TEKTIP1: variants seen among roughly 807,000 people sequenced by gnomAD.
The protein encoded by TEKTIP1 is tektin bundle-interacting protein 1.
the TEKTIP1 span, chr19:3,544,017 G>A: frequency 6.5e-7 from 1 of 1,530,590 alleles, no homozygotes; most frequent in Non-Finnish European, 8.8e-7. Flanking sequence ...ATAAAGGCAT[G>A]CTACCAGGAT....
At chr19:3,543,792 A>T in the TEKTIP1 span, 3 of 1,496,118 alleles carry the variant, frequency 2.0e-6, no homozygotes, top group East Asian at 7.5e-5. Flanking sequence ...AACGGCGAGG[A>T]GGTGGGGGCA....
chr19:3,539,397 C>T, the TEKTIP1 span: 2 of 615,406 alleles, frequency 3.2e-6, no homozygotes. Flanking sequence ...TGTGACGTCC[C>T]CTCCAGCTCT....
the TEKTIP1 span, chr19:3,543,680 GGTGAGGCTAGGTGCAGGGTGGGTCCTT>G: frequency 6.5e-7 from 1 of 1,532,170 alleles, no homozygotes; most frequent in African/African-American, 1.4e-5. Context: ...CAAGGAATAC[GGTGAGGCTAGGTGCAGGGTGGGTCCTT>G]GGGAGGCCAG....
At chr19:3,543,633 G>T in the TEKTIP1 span, 5 of 1,544,142 alleles carry the variant, frequency 3.2e-6, no homozygotes, top group Admixed American at 2.0e-5. Flanking sequence ...AGCACCCGGT[G>T]GGGGAGCGCG....
At chr19:3,540,045 A>T in the TEKTIP1 span, 1 of 148,976 alleles carries the variant, frequency 6.7e-6, no homozygotes, top group Non-Finnish European at 1.5e-5. Flanking sequence ...TGAGCCCAGG[A>T]GTTCAAGACC....
chr19:3,543,058 A>C, the TEKTIP1 span: 4 of 1,600,720 alleles, frequency 2.5e-6, no homozygotes, highest in East Asian at 6.7e-5. Context: ...CTCTCTCCTC[A>C]AGCACCCACT....
At chr19:3,542,405 G>C in the TEKTIP1 span, 2 of 985,430 alleles carry the variant, frequency 2.0e-6, no homozygotes, top group Non-Finnish European at 2.4e-6. Context: ...CAGCAACCTT[G>C]TTTTCTGGGA....
the TEKTIP1 span, chr19:3,542,939 C>T: frequency 1.3e-6 from 2 of 1,483,214 alleles, no homozygotes; most frequent in African/African-American, 1.4e-5. Flanking sequence ...TAGCCAGGGC[C>T]CTTGTCCTCT....
the TEKTIP1 span, chr19:3,542,162 A>G: frequency 1.0e-6 from 1 of 985,260 alleles, no homozygotes; most frequent in Non-Finnish European, 1.2e-6. Flanking sequence ...CTTGCAATTC[A>G]TTTCAAAAGG....
the TEKTIP1 span, chr19:3,543,001 T>G: frequency 6.3e-7 from 1 of 1,597,322 alleles, no homozygotes; most frequent in South Asian, 1.1e-5. Context: ...GGTTTAGTGC[T>G]GACTTGGGTG....
the TEKTIP1 span, chr19:3,542,377 G>C: frequency 1.0e-6 from 1 of 985,286 alleles, no homozygotes; most frequent in East Asian, 1.1e-4. Context: ...TTTGAACCCT[G>C]CTAGACTGTC....
the TEKTIP1 span, chr19:3,542,093 A>G: frequency 3.2e-5 from 31 of 983,486 alleles, no homozygotes; most frequent in Non-Finnish European, 3.7e-5. Flanking sequence ...TACAGGCATG[A>G]GCCACTGCGC....
At chr19:3,541,842 T>G in the TEKTIP1 span, 2,913 of 963,956 alleles carry the variant, frequency 3.0e-3, 65 homozygotes, top group African/African-American at 0.047. Context: ...AGAGTCTCGC[T>G]CTCTCACCCA....
chr19:3,542,400 A>G, the TEKTIP1 span: 5 of 985,396 alleles, frequency 5.1e-6, no homozygotes, highest in Middle Eastern at 5.2e-4. Context: ...GGGGCCAGCA[A>G]CCTTGTTTTC....
chr19:3,543,374 G>T, the TEKTIP1 span: 1 of 1,549,358 alleles, frequency 6.5e-7, no homozygotes, highest in Non-Finnish European at 8.7e-7. Context: ...CGCCTGGGAA[G>T]CCTGGTACAA....
chr19:3,543,331 C>T, the TEKTIP1 span: 15 of 1,549,270 alleles, frequency 9.7e-6, no homozygotes, highest in South Asian at 1.5e-4. Flanking sequence ...ACGCAGCCGG[C>T]CAGCTGTGGT....
At chr19:3,542,737 C>T in the TEKTIP1 span, 2 of 1,327,368 alleles carry the variant, frequency 1.5e-6, no homozygotes, top group Non-Finnish European at 2.0e-6. Context: ...CCTGCCTCAG[C>T]CTCCCAAAGT....
the TEKTIP1 span, chr19:3,543,409 C>CT: frequency 2.6e-6 from 4 of 1,548,218 alleles, no homozygotes; most frequent in Admixed American, 2.0e-5. Context: ...CGGCCAGCCC[C>CT]TTCCGCGAGG....
At chr19:3,542,626 G>A in the TEKTIP1 span, 13 of 976,884 alleles carry the variant, frequency 1.3e-5, no homozygotes, top group Admixed American at 1.1e-4. Context: ...GGTGCCCCCC[G>A]CCCCCACACC....
Sources: allele counts gnomAD v4.1 joint callset, GRCh38; gene constraint gnomAD v4.1.1; transcripts MANE v1.5; gene names NCBI Gene and HGNC (gene_info 2026-07-23, HGNC 2026-07-21).